GSE1: variants seen among roughly 807,000 people sequenced by gnomAD.
The protein encoded by GSE1 is Gse1 coiled-coil protein, also known as genetic suppressor element 1.
Under a neutral mutation model 112.6 loss-of-function variants are expected in GSE1, and 32 were observed. The ratio of observed to expected loss-of-function variants is 0.28; its 90% CI spans 0.21 to 0.38. The LOEUF (loss-of-function observed/expected upper bound fraction) is 0.38, where lower values mean the gene tolerates loss of function less well. Ranked by LOEUF, GSE1 falls within the 10% of genes least tolerant of loss-of-function variation. GSE1 has a pLI of 1.00. For missense variants in GSE1, 2,348 were observed against 1,699.2 expected, an observed-to-expected ratio of 1.38 and a Z score of -6.71; for synonymous variants, 1,115 against 735.6, an observed-to-expected ratio of 1.52 and a Z score of -8.35.
At chr16:85,659,954 C>T (rs1364317780) in intron 8 of GSE1, among the ~76,000 whole-genome samples, 1 of 152,214 alleles carries the variant, frequency 6.6e-6, no homozygotes, top group Non-Finnish European at 1.5e-5. Context: ...TCGGCACAGG[C>T]CCCATCCTGA....
intron 2 of GSE1, among the ~76,000 whole-genome samples, chr16:85,423,263 C>T (rs926612762): frequency 6.6e-6 from 1 of 152,238 alleles, no homozygotes; most frequent in East Asian, 1.9e-4. Context: ...CCTGCATGGA[C>T]GTCCTCCCTG....
intron 1 of GSE1, among the ~76,000 whole-genome samples, chr16:85,206,331 A>T (rs1473525375): frequency 1.3e-5 from 2 of 152,138 alleles, no homozygotes; most frequent in Non-Finnish European, 2.9e-5. Flanking sequence ...GCACGGTGGA[A>T]GGGTCTCAGC....
rs183306404 is a variant in GSE1, at chr16:85,335,493, G to A, written c.2284-21970G>A. ...CGTGCTGTGCGGGCTGGCAGGAGGCGGAGGCCGTGCTGGGTGGGCTGGGCT... is the reference window on the plus strand; with the variant it reads ...CGTGCTGTGCGGGCTGGCAGGAGGCAGAGGCCGTGCTGGGTGGGCTGGGCT... On this transcript the variant is annotated intron_variant, in intron 1 of 2. Transcript: ENST00000637419. 7.2e-4 allele frequency among the ~76,000 whole-genome samples: 109 copies of A among 151,900 alleles called. 2 individuals carry two copies. In the South Asian group the frequency reaches 0.017, roughly 24 times the overall value.
chr16:85,499,421 C>G (rs2051290925), intron 2 of GSE1, among the ~76,000 whole-genome samples: 1 of 149,912 alleles, frequency 6.7e-6, no homozygotes, highest in African/African-American at 2.4e-5. Flanking sequence ...CACCATTCTC[C>G]TGCCTCAGCC....
intron 2 of GSE1, among the ~76,000 whole-genome samples, chr16:85,506,138 A>G (rs1394538022): frequency 6.6e-6 from 1 of 152,122 alleles, no homozygotes; most frequent in Non-Finnish European, 1.5e-5. Flanking sequence ...TGTGCAGCAG[A>G]GCTTCCTATG....
At chr16:85,648,248 C>T (rs1271674039) in intron 2 of GSE1, among the ~76,000 whole-genome samples, 1 of 152,194 alleles carries the variant, frequency 6.6e-6, no homozygotes. Context: ...GCCCAGGCTC[C>T]TCCTGTCTGG....
intron 2 of GSE1, among the ~76,000 whole-genome samples, chr16:85,361,565 G>T (rs971092572): frequency 3.3e-5 from 5 of 152,232 alleles, no homozygotes; most frequent in Non-Finnish European, 5.9e-5. Flanking sequence ...ACTGGCTGGG[G>T]CAGGAGCCTT....
At chr16:85,471,853 G>T (rs2050305799) in intron 2 of GSE1, among the ~76,000 whole-genome samples, 2 of 152,224 alleles carry the variant, frequency 1.3e-5, no homozygotes, top group Non-Finnish European at 2.9e-5. Flanking sequence ...TGGGACTGCA[G>T]ACACACACTG....
chr16:85,652,171 C>G (rs1223137891), intron 3 of GSE1, among the ~76,000 whole-genome samples: 1 of 152,256 alleles, frequency 6.6e-6, no homozygotes, highest in Non-Finnish European at 1.5e-5. Context: ...GAGTCCCCCG[C>G]ATGCCCGTTC....
At chr16:85,395,847 G>A (rs1321547184) in intron 2 of GSE1, among the ~76,000 whole-genome samples, 1 of 145,748 alleles carries the variant, frequency 6.9e-6, no homozygotes, top group Non-Finnish European at 1.5e-5. Flanking sequence ...GCCTGGAGCA[G>A]AGCCAGCCCA....
exon 1 of GSE1, chr16:85,556,357 T>A: frequency 1.0e-6 from 1 of 984,738 alleles, no homozygotes; most frequent in Non-Finnish European, 1.2e-6. Flanking sequence ...TCTGTATTAC[T>A]TACCAGGTAA....
At chr16:85,602,413 G>A (rs1376085943) in intron 1 of GSE1, among the ~76,000 whole-genome samples, 1 of 152,206 alleles carries the variant, frequency 6.6e-6, no homozygotes, top group East Asian at 1.9e-4. Context: ...AGGATCCCTG[G>A]GAGGCTTCTT....
chr16:85,517,089 G>T (rs985124565), intron 2 of GSE1, among the ~76,000 whole-genome samples: 1 of 152,192 alleles, frequency 6.6e-6, no homozygotes, highest in Non-Finnish European at 1.5e-5. Context: ...GAGCCACCGC[G>T]CCCGGCCATG....
At chr16:85,420,550 G>A (rs547571524) in intron 2 of GSE1, among the ~76,000 whole-genome samples, 1 of 152,162 alleles carries the variant, frequency 6.6e-6, no homozygotes, top group East Asian at 1.9e-4. Flanking sequence ...TGGTCACTCA[G>A]GGCCCATGTG....
chr16:85,276,098 C>T (rs1473160997), intron 1 of GSE1, among the ~76,000 whole-genome samples: 1 of 152,248 alleles, frequency 6.6e-6, no homozygotes, highest in Non-Finnish European at 1.5e-5. Flanking sequence ...TGCCTCCCCA[C>T]TTTACAGATG....
exon 1 of GSE1, chr16:85,169,890 C>T: frequency 1.0e-6 from 1 of 984,358 alleles, no homozygotes; most frequent in Non-Finnish European, 1.2e-6. Context: ...ACCAGTGCGA[C>T]GCGGGCGCAG....
intron 1 of GSE1, among the ~76,000 whole-genome samples, chr16:85,588,791 C>T (rs114143921): frequency 7.2e-5 from 11 of 152,132 alleles, no homozygotes; most frequent in African/African-American, 2.2e-4. Flanking sequence ...GGCCCGGGGA[C>T]GCTGGAGGGC....
intron 2 of GSE1, among the ~76,000 whole-genome samples, chr16:85,358,693 G>T (rs1443587955): frequency 6.6e-6 from 1 of 152,196 alleles, no homozygotes; most frequent in African/African-American, 2.4e-5. Flanking sequence ...CTCCGGGGAA[G>T]GGAAGGGGCT....
chr16:85,471,598 G>C (rs954783302), intron 2 of GSE1, among the ~76,000 whole-genome samples: 2 of 152,084 alleles, frequency 1.3e-5, no homozygotes, highest in Non-Finnish European at 2.9e-5. Flanking sequence ...ATTTTTTGTA[G>C]ACACAGGGTC....
Sources: allele counts gnomAD v4.1 joint callset (sites outside exome capture counted in the v4.1 genomes callset), GRCh38; gene constraint gnomAD v4.1.1; transcripts MANE v1.5; gene names NCBI Gene and HGNC (gene_info 2026-07-23, HGNC 2026-07-21).